The following SLAMF6 variants were observed in gnomAD, a reference collection of about 807,000 sequenced individuals.
SLAMF6 encodes NK-T-B-antigen.
SLAMF6 carries 21 observed loss-of-function variants against 38.3 expected under a neutral mutation model. That is an observed-to-expected ratio of 0.55 (90% CI 0.39 to 0.79). The LOEUF (loss-of-function observed/expected upper bound fraction) is 0.79. SLAMF6 is among the 30% of genes least tolerant of loss of function. The pLI is 0.00. For synonymous variants in SLAMF6, 152 were observed against 146.3 expected (o/e 1.04, Z -0.28); for missense variants, 341 against 385.3 (o/e 0.89, Z 0.96).
chr1:160,491,971 A>G (rs1653327956), intron 2 of SLAMF6, among the ~76,000 whole-genome samples: 1 of 152,190 alleles, frequency 6.6e-6, no homozygotes, highest in South Asian at 2.1e-4. Flanking sequence ...GGTCAGCAAG[A>G]CAGAAAGGAA....
chr1:160,496,371 G>A lies in SLAMF6; in HGVS notation c.72C>T (p.Ser24=), dbSNP rs1433227308. 1 of 1,613,316 alleles carries A rather than the reference G, an allele frequency of 6.2e-7. No individual in the cohort carries two copies. The highest frequency in any genetic ancestry group is 8.5e-7 in the Non-Finnish European group (1 of 1,179,504). ...FGPGNVVSQS[S]LTPLMVNGIL... ...TCCCGTTCACCATCAATGGGGTTAA[G>A]CTGCTTTGTGAAACTACATTCCCTG... is the stretch of plus-strand genomic sequence containing the variant. The change falls in exon 2 of 8, where the codon AGC becomes AGT. Residue 24 remains serine, a synonymous_variant. Transcript: ENST00000368057.
At chr1:160,520,415 A>G (rs1654930528) in intron 1 of SLAMF6, among the ~76,000 whole-genome samples, 1 of 152,174 alleles carries the variant, frequency 6.6e-6, no homozygotes, top group African/African-American at 2.4e-5. Flanking sequence ...AGTGTGGTCC[A>G]TGGACAGGCA....
intron 1 of SLAMF6, among the ~76,000 whole-genome samples, chr1:160,513,040 A>C (rs1043354703): frequency 2.6e-5 from 4 of 152,330 alleles, no homozygotes; most frequent in Admixed American, 2.0e-4. Context: ...AGTAGGCTTC[A>C]GAAGGTGGGT....
intron 2 of SLAMF6, among the ~76,000 whole-genome samples, chr1:160,491,655 T>C (rs1286886352): frequency 6.6e-6 from 1 of 151,922 alleles, no homozygotes; most frequent in Non-Finnish European, 1.5e-5. Flanking sequence ...ACTAGCTGGG[T>C]AGTTTTGGGG....
At chr1:160,523,122 A>G (rs765550663) in intron 1 of SLAMF6, 22 bp downstream of exon 1, 22 of 1,613,394 alleles carry the variant, frequency 1.4e-5, no homozygotes, top group Admixed American at 6.7e-5. Flanking sequence ...CAGTGACTAC[A>G]CCGATCTGGA....
chr1:160,491,301 T>TCCTC lies in SLAMF6; in HGVS notation c.466_469dup (p.Asp157GlyfsTer5), dbSNP rs1244959919. The TCCTC allele has an allele frequency of 1.2e-6, 2 of 1,614,052 alleles. No individual in the cohort carries two copies. The highest frequency in any genetic ancestry group is 1.7e-6 in the Non-Finnish European group (2 of 1,179,970). On this transcript the variant is annotated frameshift_variant, in exon 3 of 8. Coordinates refer to ENST00000368057, the MANE Select transcript of SLAMF6 (RefSeq NM_001184714.2). LOFTEE classifies it high-confidence loss of function. ...TCTGAATGAGACATTGTCATCTGCA[T>TCCTC]CCTCCACAGAGCAAGTCAGATGGAG...
chr1:160,504,463 T>C (rs1654076796), intron 1 of SLAMF6, among the ~76,000 whole-genome samples: 1 of 152,196 alleles, frequency 6.6e-6, no homozygotes, highest in Non-Finnish European at 1.5e-5. Flanking sequence ...TTCTCCAACT[T>C]GATAGCAGTC....
intron 1 of SLAMF6, among the ~76,000 whole-genome samples, chr1:160,520,130 T>G (rs1392898035): frequency 2.0e-5 from 3 of 152,082 alleles, no homozygotes; most frequent in Admixed American, 6.6e-5. Flanking sequence ...ACAATAAACA[T>G]TTGAAAGATG....
At chr1:160,502,580 C>T (rs1418936689) in intron 1 of SLAMF6, among the ~76,000 whole-genome samples, 4 of 152,050 alleles carry the variant, frequency 2.6e-5, no homozygotes, top group Non-Finnish European at 5.9e-5. Context: ...TAAGGGTTAC[C>T]TGATTAGTGG....
intron 1 of SLAMF6, among the ~76,000 whole-genome samples, chr1:160,509,110 TC>T (rs1654338433): frequency 6.6e-6 from 1 of 152,180 alleles, no homozygotes; most frequent in Non-Finnish European, 1.5e-5. Flanking sequence ...TCCTAAAGGA[TC>T]TAGAACTAGA....
intron 1 of SLAMF6, among the ~76,000 whole-genome samples, chr1:160,505,906 T>A (rs1654161824): frequency 6.6e-6 from 1 of 152,130 alleles, no homozygotes; most frequent in Non-Finnish European, 1.5e-5. Context: ...AAGCTCTGTG[T>A]AGGCAGAAGT....
chr1:160,509,842 G>C (rs1270996031), intron 1 of SLAMF6, among the ~76,000 whole-genome samples: 1 of 151,932 alleles, frequency 6.6e-6, no homozygotes, highest in Non-Finnish European at 1.5e-5. Context: ...AAACAAAATT[G>C]ACAAACCTTT....
chr1:160,515,847 A>T (rs1227009105), intron 1 of SLAMF6, among the ~76,000 whole-genome samples: 1 of 152,222 alleles, frequency 6.6e-6, no homozygotes, highest in Non-Finnish European at 1.5e-5. Flanking sequence ...TATTGATGGA[A>T]CATATCTTAA....
At chr1:160,494,322 C>T (rs1359780389) in intron 2 of SLAMF6, among the ~76,000 whole-genome samples, 2 of 152,096 alleles carry the variant, frequency 1.3e-5, no homozygotes, top group African/African-American at 4.8e-5. Context: ...CTGGTCTTCT[C>T]AACAATGTTA....
rs765972398 is a variant in SLAMF6 at position 160,489,128 on chromosome 1, G to A, written c.839C>T (p.Thr280Met). 1.4e-4 allele frequency: 232 copies of A among 1,613,802 alleles called. 1 individual carries two copies. Among genetic ancestry groups the A allele is most frequent in the Admixed American group, 2.3e-4 (14 of 59,978 alleles). Residue 280 changes from threonine (T) to methionine (M), a missense_variant, in exon 6 of 8, where the codon ACG (threonine) becomes ATG (methionine). Transcript: ENST00000368057. ...RNLEYVSVSP[T>M]NNTVYASVTH... ...GACTGAAGCATACACAGTGTTGTTC[G>A]TTGGAGACACTGAAACATACTCTAG...
At chr1:160,487,244 G>A (rs1653014013) in intron 6 of SLAMF6, 69 bp from the exon 7 acceptor site, 2 of 1,360,902 alleles carry the variant, frequency 1.5e-6, no homozygotes, top group Non-Finnish European at 2.1e-6. Context: ...TATATTCTTA[G>A]GAAAGACTGT....
At chr1:160,490,080 G>T in intron 5 of SLAMF6, 118 bp downstream of exon 5, 1 of 1,171,196 alleles carries the variant, frequency 8.5e-7, no homozygotes, top group Non-Finnish European at 1.3e-6. Flanking sequence ...TGTGGTCTGA[G>T]TAATGACATT....
chr1:160,507,301 AT>A (rs1276522332), intron 1 of SLAMF6, among the ~76,000 whole-genome samples: 6 of 152,150 alleles, frequency 3.9e-5, no homozygotes, highest in Non-Finnish European at 8.8e-5. Context: ...AAAAAAGGAC[AT>A]TATACATTAA....
At position 160,502,467 on chromosome 1, in the gene SLAMF6, G is replaced by T. The variant is rs898776626; in HGVS notation, c.50-6074C>A. 7.9e-5 allele frequency among the ~76,000 whole-genome samples: 12 copies of T among 152,084 alleles called. 1 individual carries two copies. Among genetic ancestry groups the T allele is most frequent in the Admixed American group, 5.2e-4 (8 of 15,272 alleles). On this transcript the variant is annotated intron_variant, in intron 1 of 7. Coordinates refer to ENST00000368057, the MANE Select transcript of SLAMF6 (RefSeq NM_001184714.2). The stretch of plus-strand genomic sequence containing the variant: ...TTTCATCTACTGTATGATGTGTTTT[G>T]GGGAACTCAAATAATATCTTAGTCA...
Sources: allele counts gnomAD v4.1 joint callset (sites outside exome capture counted in the v4.1 genomes callset), GRCh38; gene constraint gnomAD v4.1.1; transcripts MANE v1.5; gene names NCBI Gene and HGNC (gene_info 2026-07-23, HGNC 2026-07-21).